Variants in LINGO2 observed in about 807,000 individuals in gnomAD.
The protein encoded by LINGO2 is leucine-rich repeat and immunoglobulin-like domain-containing nogo receptor-interacting protein 2.
A neutral mutation model predicts 30.6 loss-of-function variants in LINGO2; 14 were observed. The ratio of observed to expected loss-of-function variants is 0.46; its 90% CI spans 0.30 to 0.72. LINGO2 has a LOEUF of 0.72. Among genes scored for constraint, LINGO2 ranks in the 30% least tolerant of loss-of-function variants. The probability of loss-of-function intolerance (pLI) is 0.07; values close to 1 mark genes in which losing one functional copy is unlikely to be tolerated. For missense variants in LINGO2, 729 were observed against 751.7 expected, an observed-to-expected ratio of 0.97 and a Z score of 0.35; for synonymous variants, 317 against 288.5, an observed-to-expected ratio of 1.10 and a Z score of -1.00.
the LINGO2 span, among the ~76,000 whole-genome samples, chr9:29,058,318 G>A: frequency 3.3e-5 from 5 of 152,040 alleles, no homozygotes; most frequent in South Asian, 2.1e-4. Context: ...AACATCACTG[G>A]CTGCATTTAG....
the LINGO2 span, among the ~76,000 whole-genome samples, chr9:28,895,276 A>G: frequency 6.6e-6 from 1 of 152,158 alleles, no homozygotes; most frequent in African/African-American, 2.4e-5. Context: ...GGAGAAACTA[A>G]TCATAAAAAC....
the LINGO2 span, among the ~76,000 whole-genome samples, chr9:28,789,216 C>A: frequency 2.7e-3 from 405 of 152,054 alleles, 4 homozygotes; most frequent in African/African-American, 9.1e-3. Flanking sequence ...CCTATGAGTC[C>A]TTTAATGAAA....
intron 4 of LINGO2, among the ~76,000 whole-genome samples, chr9:28,186,302 C>G (rs930798159): frequency 6.6e-6 from 1 of 152,116 alleles, no homozygotes; most frequent in Admixed American, 6.6e-5. Context: ...TTCAATGATA[C>G]TACGAGGTAC....
intron 5 of LINGO2, among the ~76,000 whole-genome samples, chr9:27,956,987 C>T (rs1320999885): frequency 6.6e-6 from 1 of 152,074 alleles, no homozygotes; most frequent in Non-Finnish European, 1.5e-5. Flanking sequence ...CCTAGCTACT[C>T]AGGAAGCTGA....
the LINGO2 span, among the ~76,000 whole-genome samples, chr9:28,910,743 T>C: frequency 2.0e-5 from 3 of 152,170 alleles, no homozygotes; most frequent in Admixed American, 1.3e-4. Context: ...TGAAGAACCA[T>C]GAACCAATTA....
At chr9:28,339,271 A>C (rs1243628065) in intron 3 of LINGO2, among the ~76,000 whole-genome samples, 1 of 152,162 alleles carries the variant, frequency 6.6e-6, no homozygotes, top group Non-Finnish European at 1.5e-5. Context: ...ATAACAGTAA[A>C]CATTTATTGC....
At chr9:27,969,658 C>G (rs1472984754) in intron 5 of LINGO2, among the ~76,000 whole-genome samples, 1 of 152,074 alleles carries the variant, frequency 6.6e-6, no homozygotes, top group Admixed American at 6.6e-5. Context: ...AAAGGGGATT[C>G]AAACTCACGT....
intron 1 of LINGO2, among the ~76,000 whole-genome samples, chr9:28,484,218 A>G (rs1826081657): frequency 6.6e-6 from 1 of 152,068 alleles, no homozygotes; most frequent in Admixed American, 6.6e-5. Flanking sequence ...CAGTTTGTCC[A>G]GTCTATCTCC....
At chr9:28,718,315 C>T in the LINGO2 span, among the ~76,000 whole-genome samples, 1 of 152,084 alleles carries the variant, frequency 6.6e-6, no homozygotes, top group East Asian at 1.9e-4. Context: ...AAGCTGGATA[C>T]CTCACTGCCC....
At chr9:28,199,274 G>C (rs1432151188) in intron 4 of LINGO2, among the ~76,000 whole-genome samples, 1 of 151,840 alleles carries the variant, frequency 6.6e-6, no homozygotes, top group Non-Finnish European at 1.5e-5. Context: ...TAAATCCAAG[G>C]GTTATTTTTT....
At chr9:28,495,591 C>G (rs941132803) in intron 1 of LINGO2, among the ~76,000 whole-genome samples, 1 of 152,042 alleles carries the variant, frequency 6.6e-6, no homozygotes, top group Non-Finnish European at 1.5e-5. Context: ...TGTTTTGATA[C>G]CAGTACCATG....
At chr9:28,910,915 G>A in the LINGO2 span, among the ~76,000 whole-genome samples, 1 of 151,964 alleles carries the variant, frequency 6.6e-6, no homozygotes, top group Non-Finnish European at 1.5e-5. Context: ...TTTGAAAAAT[G>A]GATATTAATA....
At chr9:27,949,986 T>A (rs199926827) in exon 6 of LINGO2, 5 of 1,614,074 alleles carry the variant, frequency 3.1e-6, no homozygotes, top group Non-Finnish European at 4.2e-6. Flanking sequence ...AATCTCTAGG[T>A]GTTTCAGGTG....
intron 1 of LINGO2, among the ~76,000 whole-genome samples, chr9:28,580,567 A>G (rs919752800): frequency 6.6e-6 from 1 of 152,010 alleles, no homozygotes; most frequent in African/African-American, 2.4e-5. Flanking sequence ...TATAAAAATC[A>G]CTTCTACTGT....
intron 4 of LINGO2, among the ~76,000 whole-genome samples, chr9:28,192,790 T>C (rs1819868164): frequency 1.3e-5 from 2 of 152,200 alleles, no homozygotes. Flanking sequence ...GACACAGTAC[T>C]ATATGTACAT....
At chr9:27,957,554 A>G (rs1205042903) in intron 5 of LINGO2, among the ~76,000 whole-genome samples, 2 of 152,134 alleles carry the variant, frequency 1.3e-5, no homozygotes, top group Non-Finnish European at 2.9e-5. Flanking sequence ...GGCCTCCCCA[A>G]AGTGCTGGGA....
the LINGO2 span, among the ~76,000 whole-genome samples, chr9:28,708,412 C>T: frequency 2.0e-5 from 3 of 152,094 alleles, no homozygotes; most frequent in African/African-American, 7.2e-5. Context: ...GATGCCTCAT[C>T]ACTGTGACCA....
chr9:28,940,170 C>T, the LINGO2 span, among the ~76,000 whole-genome samples: 170 of 152,240 alleles, frequency 1.1e-3, no homozygotes, highest in Non-Finnish European at 2.1e-3. Flanking sequence ...TTTAGCTGTT[C>T]ACCAAGCCGA....
rs1283392661 is a variant in LINGO2 at position 28,002,796 on chromosome 9, G to A, written c.-36+9559C>T. Among the ~76,000 whole-genome samples, 4 of 152,274 alleles carry A rather than the reference G, an allele frequency of 2.6e-5. 1 individual carries two copies. The South Asian group carries it at 8.3e-4, about 32-fold the overall frequency. ...GAGATGGCACATTCTCCCCGTCAGT[G>A]GGTTTTCTCAGGCTACTCTGGTTTC... On this transcript the variant is annotated intron_variant, in intron 5 of 5. Transcript: ENST00000379992.
Sources: gnomAD v4.1 joint callset for allele counts (sites outside exome capture counted in the v4.1 genomes callset) on GRCh38, gnomAD v4.1.1 for gene constraint, MANE v1.5 for transcripts, NCBI Gene and HGNC (gene_info 2026-07-23, HGNC 2026-07-21) for gene names.